The following BATF3 variants were observed in gnomAD, a reference collection of about 807,000 sequenced individuals.
The protein encoded by BATF3 is basic leucine zipper ATF-like transcription factor 3, also known as basic leucine zipper transcriptional factor ATF-like 3.
Under a neutral mutation model 16.1 loss-of-function variants are expected in BATF3, and 8 were observed. The ratio of observed to expected loss-of-function variants is 0.50; its 90% CI spans 0.29 to 0.90. BATF3 has a LOEUF of 0.90. Ranked by LOEUF, BATF3 falls within the 40% of genes least tolerant of loss-of-function variation. The pLI is 0.08. For missense variants in BATF3, 139 were observed against 167.0 expected, an observed-to-expected ratio of 0.83 and a Z score of 0.92; for synonymous variants, 74 against 72.7, an observed-to-expected ratio of 1.02 and a Z score of -0.09.
Position 212,699,840 on chromosome 1 carries a change from C to A in BATF3, c.-78G>T, listed in dbSNP as rs1025549627. 1.6e-5 allele frequency: 15 copies of A among 947,534 alleles called. No individual in the cohort carries two copies. Among genetic ancestry groups the A allele is most frequent in the Non-Finnish European group, 1.8e-5 (14 of 765,410 alleles). The allele number at this position is 947,534 out of a possible 1,614,324, so 58.7% of individuals were successfully genotyped here. On this transcript the variant is annotated 5_prime_UTR_variant, in exon 1 of 3. Coordinates refer to ENST00000243440, the MANE Select transcript of BATF3 (RefSeq NM_018664.3). The surrounding 1 kb of genome is among the most constrained non-coding windows in gnomAD (Gnocchi z 4.4). ...GTGGGGCTGCCTACGGGCGCTGTCC[C>A]GCCGCCGGCATCCTCGTGCCGCACC...
At chr1:212,698,005 A>T (rs1657173241) in intron 1 of BATF3, 1 of 152,238 alleles carries the variant, frequency 6.6e-6, no homozygotes, top group Non-Finnish European at 1.5e-5. Flanking sequence ...AAAAAAGGAT[A>T]TTTTCAGTTA....
chr1:212,696,835 G>A, intron 2 of BATF3, 126 bp downstream of exon 2: 1 of 722,788 alleles, frequency 1.4e-6, no homozygotes, highest in South Asian at 1.7e-5. Flanking sequence ...TGGGCTGGAA[G>A]GACCTGGCAG....
intron 2 of BATF3, among the ~76,000 whole-genome samples, chr1:212,696,474 T>C (rs1238058093): frequency 6.7e-6 from 1 of 150,088 alleles, no homozygotes; most frequent in Non-Finnish European, 1.5e-5. Context: ...GGTACATGTG[T>C]GAATGTGTGT....
chr1:212,687,785 G>C (rs1310762412), intron 2 of BATF3, among the ~76,000 whole-genome samples: 8 of 151,724 alleles, frequency 5.3e-5, no homozygotes, highest in African/African-American at 1.9e-4. Context: ...TAACTAGCCA[G>C]GTGTGGTGAT....
chr1:212,690,373 C>G (rs568892416), intron 2 of BATF3, among the ~76,000 whole-genome samples: 4 of 152,180 alleles, frequency 2.6e-5, no homozygotes, highest in African/African-American at 9.7e-5. Context: ...CAGAGCCGCC[C>G]GACAGGTGCC....
chr1:212,693,635 G>C (rs1207834957), intron 2 of BATF3, among the ~76,000 whole-genome samples: 2 of 152,140 alleles, frequency 1.3e-5, no homozygotes, highest in Admixed American at 1.3e-4. Flanking sequence ...CTCTGGGTTG[G>C]AGAGCAGGCC....
At chr1:212,692,678 T>C (rs951341142) in intron 2 of BATF3, among the ~76,000 whole-genome samples, 11 of 152,086 alleles carry the variant, frequency 7.2e-5, no homozygotes, top group Admixed American at 1.3e-4. Context: ...CCTCAAGTGA[T>C]CCACCCGCCT....
intron 1 of BATF3, chr1:212,697,586 C>T (rs1002095561): frequency 6.5e-6 from 1 of 152,958 alleles, no homozygotes; most frequent in Non-Finnish European, 1.5e-5. Context: ...ATTACACTTA[C>T]AACTAATTGC....
intron 2 of BATF3, among the ~76,000 whole-genome samples, chr1:212,687,975 G>GA (rs1309840275): frequency 1.1e-5 from 1 of 88,440 alleles, no homozygotes; most frequent in Non-Finnish European, 2.3e-5. Context: ...AAAAAAGAAA[G>GA]AAAGAAAGAA....
intron 1 of BATF3, chr1:212,698,797 G>A (rs1657190249): frequency 6.6e-6 from 1 of 152,234 alleles, no homozygotes; most frequent in African/African-American, 2.4e-5. Flanking sequence ...ATAGTATTAT[G>A]TTATTAACCA....
rs1657205085 is a variant in BATF3, at chr1:212,699,259, C to CCCT, written c.90+413_90+414insAGG. On this transcript the variant is annotated intron_variant, in intron 1 of 2. Transcript: ENST00000243440. This position sits in a 1 kb window ranked among gnomAD's most constrained non-coding sequence, Gnocchi z 4.4. Reference sequence around the variant, plus strand: ...CGTTCTCCATTCCCGCGGCAGCACCCCCCCCACCCGGGGGAATCCTGGAGG... The same window carrying CCCT: ...CGTTCTCCATTCCCGCGGCAGCACCCCCTCCCCCACCCGGGGGAATCCTGGAGG... 6.6e-6 allele frequency among the ~76,000 whole-genome samples: 1 copy of CCCT among 152,152 alleles called. No individual in the cohort carries two copies. The highest frequency in any genetic ancestry group is 2.1e-4 in the South Asian group (1 of 4,822).
rs1358603130 is a variant in BATF3, at chr1:212,699,007, G to A, written c.90+666C>T. Among the ~76,000 whole-genome samples the A allele has an allele frequency of 6.6e-6, 1 of 152,212 alleles. No individual in the cohort carries two copies. The highest frequency in any genetic ancestry group is 1.5e-5 in the Non-Finnish European group (1 of 68,038). On this transcript the variant is annotated intron_variant, in intron 1 of 2. Coordinates refer to ENST00000243440, the MANE Select transcript of BATF3 (RefSeq NM_018664.3). The surrounding 1 kb of genome is among the most constrained non-coding windows in gnomAD (Gnocchi z 4.4). The stretch of plus-strand genomic sequence containing the variant: ...ATGGGCCGGGCGCTGAATTGGGAAG[G>A]TGGGGAGTAAGGATGAAAAGACCCA...
chr1:212,692,506 C>T (rs566850045), intron 2 of BATF3, among the ~76,000 whole-genome samples: 2 of 152,244 alleles, frequency 1.3e-5, no homozygotes, highest in Non-Finnish European at 2.9e-5. Context: ...GGCGTGATCT[C>T]GGCTCACTGC....
chr1:212,687,044 C>A (rs890849351), intron 2 of BATF3, 65 bp from the exon 3 acceptor site: 2 of 1,039,832 alleles, frequency 1.9e-6, no homozygotes, highest in African/African-American at 1.6e-5. Flanking sequence ...TCCTCCTGTG[C>A]CGCGCTGTTC....
chr1:212,692,046 C>G (rs1333159275), intron 2 of BATF3, among the ~76,000 whole-genome samples: 1 of 152,238 alleles, frequency 6.6e-6, no homozygotes, highest in African/African-American at 2.4e-5. Context: ...AACCACTGCC[C>G]AGAAAACTCT....
intron 2 of BATF3, among the ~76,000 whole-genome samples, chr1:212,696,361 A>G (rs11582836): frequency 0.22 from 33,604 of 151,996 alleles, 4,087 homozygotes; most frequent in Non-Finnish European, 0.26. Flanking sequence ...GAGACCAGAA[A>G]GAGAGTCCTG....
intron 2 of BATF3, among the ~76,000 whole-genome samples, chr1:212,692,683 C>T (rs1657029628): frequency 6.6e-6 from 1 of 152,210 alleles, no homozygotes; most frequent in Non-Finnish European, 1.5e-5. Context: ...AGTGATCCAC[C>T]CGCCTCAGCC....
At chr1:212,695,797 C>T (rs1234049925) in intron 2 of BATF3, among the ~76,000 whole-genome samples, 2 of 152,180 alleles carry the variant, frequency 1.3e-5, no homozygotes, top group Non-Finnish European at 2.9e-5. Context: ...AGCAGCTCCA[C>T]GTCCCAACTG....
intron 2 of BATF3, among the ~76,000 whole-genome samples, chr1:212,696,174 G>A (rs1367678271): frequency 2.0e-5 from 3 of 151,972 alleles, no homozygotes; most frequent in Non-Finnish European, 4.4e-5. Context: ...TGAAACACTG[G>A]TCACCACCAA....
Sources: allele counts gnomAD v4.1 joint callset (sites outside exome capture counted in the v4.1 genomes callset), GRCh38; gene constraint gnomAD v4.1.1; non-coding constraint Gnocchi (gnomAD v3.1); transcripts MANE v1.5; gene names NCBI Gene and HGNC (gene_info 2026-07-23, HGNC 2026-07-21).